Variants in CCDC88C observed in about 807,000 individuals in gnomAD.
CCDC88C encodes the protein protein Daple.
CCDC88C carries 131 observed loss-of-function variants against 198.8 expected under a neutral mutation model. That is an observed-to-expected ratio of 0.66 (90% CI 0.57 to 0.76). The LOEUF is 0.76. Ranked by LOEUF, CCDC88C falls within the 30% of genes least tolerant of loss-of-function variation. The pLI is 0.00. For missense variants in CCDC88C, 2,553 were observed against 2,631.6 expected (o/e 0.97, Z 0.65); for synonymous variants, 1,166 against 1,114.7 (o/e 1.05, Z -0.92).
chr14:91,342,417 A>G lies in CCDC88C; in HGVS notation c.446T>C (p.Ile149Thr), dbSNP rs772275776. The change falls in exon 6 of 30, where the codon ATT (isoleucine) becomes ACT (threonine). Residue 149 changes from isoleucine to threonine, a missense_variant. Transcript: ENST00000389857. Reference sequence around the variant, plus strand: ...GGCCACGATGCCAGCCTGGGTCTCAATGTCCAGCTGTTTGATTCTTTCAAT... The same window carrying G: ...GGCCACGATGCCAGCCTGGGTCTCAGTGTCCAGCTGTTTGATTCTTTCAAT... ...EFIERIKQLD[I>T]ETQAGIVAHI... 1.3e-6 allele frequency: 2 copies of G among 1,598,652 alleles called. No individual in the cohort carries two copies. The highest frequency in any genetic ancestry group is 4.5e-5 in the East Asian group (2 of 44,360).
chr14:91,326,378 A>G (rs1261935987), intron 10 of CCDC88C, among the ~76,000 whole-genome samples: 1 of 152,148 alleles, frequency 6.6e-6, no homozygotes, highest in Non-Finnish European at 1.5e-5. Flanking sequence ...GCGCCCGGCT[A>G]ATTTTTGTAT....
intron 3 of CCDC88C, chr14:91,379,701 C>G: frequency 1.6e-6 from 1 of 625,038 alleles, no homozygotes; most frequent in South Asian, 1.9e-5. Context: ...GTCAGTGCCA[C>G]TCCCAGAAGA....
chr14:91,273,589 G>T lies in CCDC88C; in HGVS notation c.5123C>A (p.Ala1708Asp), dbSNP rs1292828916. ...DYFRKASDPPAIGGQPGPPAK... is the reference protein window; with the variant it reads ...DYFRKASDPPDIGGQPGPPAK... ...AGGTGGTCCTGGTTGGCCTCCGATG[G>T]CTGGGGGATCGCTGGCCTTTCGGAA... The change falls in exon 30 of 30, where the codon GCC (alanine) becomes GAC (aspartate). Residue 1708 changes from alanine (A) to aspartate (D), a missense_variant. Around this residue, in one of 2 missense-constraint regions of CCDC88C, gnomAD observed 1,293 missense variants for 1,219.6 expected, o/e 1.06. Coordinates refer to ENST00000389857, the MANE Select transcript of CCDC88C (RefSeq NM_001080414.4). This position sits in a 1 kb window ranked among gnomAD's most constrained non-coding sequence, Gnocchi z 5.6. The T allele has an allele frequency of 6.7e-7, 1 of 1,495,998 alleles. No individual in the cohort carries two copies. Among genetic ancestry groups the T allele is most frequent in the East Asian group, 2.4e-5 (1 of 42,414 alleles). 92.7% of individuals were successfully genotyped at this position (1,495,998 alleles called of 1,614,324 possible).
At chr14:91,394,154 C>T (rs1017620144) in intron 3 of CCDC88C, among the ~76,000 whole-genome samples, 2 of 152,186 alleles carry the variant, frequency 1.3e-5, no homozygotes, top group Admixed American at 6.5e-5. Flanking sequence ...GCTGGCTAGA[C>T]AAAGTTGAAA....
intron 29 of CCDC88C, among the ~76,000 whole-genome samples, chr14:91,274,430 C>T (rs572198271): frequency 2.6e-5 from 4 of 152,242 alleles, no homozygotes; most frequent in Non-Finnish European, 1.5e-5. Flanking sequence ...TATGGCCCCA[C>T]TCAGGAACTG....
At chr14:91,295,275 G>A (rs2139761142) in intron 22 of CCDC88C, among the ~76,000 whole-genome samples, 1 of 152,340 alleles carries the variant, frequency 6.6e-6, no homozygotes. Context: ...GAAAAAGGAG[G>A]TGAAGCTATG....
At chr14:91,287,510 T>C (rs1890465183) in intron 25 of CCDC88C, among the ~76,000 whole-genome samples, 1 of 151,996 alleles carries the variant, frequency 6.6e-6, no homozygotes, top group South Asian at 2.1e-4. Flanking sequence ...AATAAAAATA[T>C]ATATATTGGT....
At chr14:91,282,058 C>T (rs1030579147) in intron 26 of CCDC88C, among the ~76,000 whole-genome samples, 1 of 152,216 alleles carries the variant, frequency 6.6e-6, no homozygotes, top group African/African-American at 2.4e-5. Context: ...TGGCCTTTCC[C>T]TGAGGACTGG....
chr14:91,417,586 G>C (rs1003824452), intron 1 of CCDC88C, 45 bp downstream of exon 1: 14 of 1,549,702 alleles, frequency 9.0e-6, no homozygotes, highest in Non-Finnish European at 1.2e-5. Context: ...GGGCTAGAGA[G>C]AAGCCGGTGC....
chr14:91,313,598 G>A lies in CCDC88C; in HGVS notation c.2218C>T (p.Leu740=). The A allele has an allele frequency of 6.2e-7, 1 of 1,612,594 alleles. No individual in the cohort carries two copies. The highest frequency in any genetic ancestry group is 1.3e-5 in the African/African-American group (1 of 75,062). ...NQQLEREKEE[L]RKNVDLLKAL... is the part of the protein sequence containing the mutation. The stretch of plus-strand genomic sequence containing the variant: ...TTGAGCAGATCCACGTTCTTCCTCA[G>A]CTCCTCCTTCTCACGCTCCAGCTGC... Residue 740 remains leucine (L), a synonymous_variant, in exon 15 of 30, where the codon CTG becomes TTG. Transcript: ENST00000389857. The surrounding 1 kb of genome is among the most constrained non-coding windows in gnomAD (Gnocchi z 5.2).
At chr14:91,319,632 T>G (rs1050314185) in intron 13 of CCDC88C, among the ~76,000 whole-genome samples, 2 of 152,228 alleles carry the variant, frequency 1.3e-5, no homozygotes, top group Admixed American at 6.5e-5. Flanking sequence ...ATTGCATGCT[T>G]TATAACAGTG....
In CCDC88C at chr14:91,313,307, G is replaced by T. The variant is rs1402511528; in HGVS notation, c.2509C>A (p.Leu837Met). 6.2e-7 allele frequency: 1 copy of T among 1,613,832 alleles called. No individual in the cohort carries two copies. Among genetic ancestry groups the T allele is most frequent in the African/African-American group, 1.3e-5 (1 of 75,070 alleles). Reference sequence around the variant, plus strand: ...CACAGCCGCTTGGCCTCCTTCTCCAGCAGCTTCTTATCCTTCTCGAGCTGG... The same window carrying T: ...CACAGCCGCTTGGCCTCCTTCTCCATCAGCTTCTTATCCTTCTCGAGCTGG... Reference protein sequence around the residue: ...VAQLEKDKKLLEKEAKRLWQQ... With the variant: ...VAQLEKDKKLMEKEAKRLWQQ... The change falls in exon 15 of 30, where the codon CTG becomes ATG. Residue 837 changes from leucine (L) to methionine (M), a missense_variant. Physicochemically the swap from Leu to Met is conservative, Grantham distance 15 (BLOSUM62 2). Coordinates refer to ENST00000389857, the MANE Select transcript of CCDC88C (RefSeq NM_001080414.4). The surrounding 1 kb of genome is among the most constrained non-coding windows in gnomAD (Gnocchi z 5.2).
At chr14:91,305,610 CTG>C (rs1254834508) in intron 19 of CCDC88C, among the ~76,000 whole-genome samples, 153 bp downstream of exon 19, 1 of 152,210 alleles carries the variant, frequency 6.6e-6, no homozygotes, top group African/African-American at 2.4e-5. Flanking sequence ...TCACTGATCA[CTG>C]TTTACAGCGG....
intron 3 of CCDC88C, among the ~76,000 whole-genome samples, chr14:91,392,961 C>T (rs1885606417): frequency 6.6e-6 from 1 of 152,114 alleles, no homozygotes; most frequent in African/African-American, 2.4e-5. Flanking sequence ...CAAGGCCTCA[C>T]ATAGCGAAAA....
At chr14:91,320,303 T>C (rs1166929700) in intron 13 of CCDC88C, among the ~76,000 whole-genome samples, 1 of 152,160 alleles carries the variant, frequency 6.6e-6, no homozygotes, top group African/African-American at 2.4e-5. Flanking sequence ...GCAAATGATG[T>C]AATCAATCAT....
chr14:91,288,536 T>A lies in CCDC88C; in HGVS notation c.4441+569A>T, dbSNP rs1192590409. On this transcript the variant is annotated intron_variant, in intron 25 of 29. Coordinates refer to ENST00000389857, the MANE Select transcript of CCDC88C (RefSeq NM_001080414.4). The surrounding 1 kb of genome is among the most constrained non-coding windows in gnomAD (Gnocchi z 4.2). Reference sequence around the variant, plus strand: ...TAAGCTATGTCGCTTGTCTCTATGGTACCTGCACGAATGTCAGCTTTGGAT... The same window carrying A: ...TAAGCTATGTCGCTTGTCTCTATGGAACCTGCACGAATGTCAGCTTTGGAT... Among the ~76,000 whole-genome samples the A allele has an allele frequency of 6.6e-6, 1 of 152,260 alleles. No homozygotes were observed. Among genetic ancestry groups the A allele is most frequent in the African/African-American group, 2.4e-5 (1 of 41,480 alleles).
chr14:91,292,977 G>T (rs1243834261), intron 23 of CCDC88C, among the ~76,000 whole-genome samples: 1 of 150,424 alleles, frequency 6.6e-6, no homozygotes, highest in East Asian at 1.9e-4. Context: ...TTCTCTCTGG[G>T]TGCCTCCTGC....
chr14:91,288,272 C>T lies in CCDC88C; in HGVS notation c.4441+833G>A, dbSNP rs1393001138. Among the ~76,000 whole-genome samples, 1 of 152,166 alleles carries T rather than the reference C, an allele frequency of 6.6e-6. No homozygotes were observed. Among genetic ancestry groups the T allele is most frequent in the African/African-American group, 2.4e-5 (1 of 41,436 alleles). ...GAGAAATCCTGTTCTTGTTTCAGAACCTCTGGCAAACTCCAAAGGACAGCC... is the reference window on the plus strand; with the variant it reads ...GAGAAATCCTGTTCTTGTTTCAGAATCTCTGGCAAACTCCAAAGGACAGCC... On this transcript the variant is annotated intron_variant, in intron 25 of 29. Transcript: ENST00000389857. This position sits in a 1 kb window ranked among gnomAD's most constrained non-coding sequence, Gnocchi z 4.2.
At chr14:91,314,460 G>C (rs1892008893) in intron 14 of CCDC88C, among the ~76,000 whole-genome samples, 1 of 152,190 alleles carries the variant, frequency 6.6e-6, no homozygotes, top group Admixed American at 6.5e-5. Flanking sequence ...GCCCACCTCT[G>C]CAGCCTCTGC....
Sources: gnomAD v4.1 joint callset for allele counts (sites outside exome capture counted in the v4.1 genomes callset) on GRCh38, gnomAD v4.1.1 for gene constraint, gnomAD v4.1.1 regional missense constraint, Gnocchi (gnomAD v3.1) non-coding constraint, MANE v1.5 for transcripts, NCBI Gene and HGNC (gene_info 2026-07-23, HGNC 2026-07-21) for gene names.